Variants in ABCA2 observed in about 807,000 individuals in gnomAD.
ABCA2 encodes the protein ATP binding cassette subfamily A member 2, also known as ATP-binding cassette sub-family A member 2.
Under a neutral mutation model 262.8 loss-of-function variants are expected in ABCA2, and 84 were observed. The ratio of observed to expected loss-of-function variants is 0.32; its 90% CI spans 0.27 to 0.38. The LOEUF is 0.38. Ranked by LOEUF, ABCA2 falls within the 10% of genes least tolerant of loss-of-function variation. ABCA2 has a pLI of 1.00. For missense variants in ABCA2, 2,662 were observed against 3,405.9 expected (o/e 0.78, Z 5.44); for synonymous variants, 1,696 against 1,502.9 (o/e 1.13, Z -2.97).
Position 137,009,236 on chromosome 9 carries a change from C to T in ABCA2, c.6827+134G>A, listed in dbSNP as rs1056954671. 14 of 763,768 alleles carry T rather than the reference C, an allele frequency of 1.8e-5. No individual in the cohort carries two copies. The African/African-American group carries it at 2.3e-4, about 13-fold the overall frequency. The allele number at this position is 763,768 out of a possible 1,614,324, so 47.3% of individuals were successfully genotyped here. ...CCCCTGGCCCCACTGCCCCAGTCCCCCCAGCCCCAGTGCCCCCAGCCCCCC... is the reference window on the plus strand; with the variant it reads ...CCCCTGGCCCCACTGCCCCAGTCCCTCCAGCCCCAGTGCCCCCAGCCCCCC... On this transcript the variant is annotated intron_variant, in intron 45 of 48. Coordinates refer to ENST00000341511, the MANE Select transcript of ABCA2 (RefSeq NM_001606.5).
At chr9:137,020,030 C>G (rs12348702) in intron 10 of ABCA2, 3 of 334,032 alleles carry the variant, frequency 9.0e-6, no homozygotes, top group Non-Finnish European at 1.7e-5. Flanking sequence ...TGCCCGCCCA[C>G]GAGACACTCT....
In ABCA2 at chr9:137,018,987, G is replaced by A. The variant is rs1177661264; in HGVS notation, c.1638C>T (p.Phe546=). The change falls in exon 12 of 49, where the codon TTC becomes TTT. Residue 546 remains phenylalanine (F), a synonymous_variant. Transcript: ENST00000341511. ...GGAGGGCCATGCCACTGGGCAGCGA[G>A]AAGTTGTCCTGTCTCAGGGCCGGCG... is the stretch of plus-strand genomic sequence containing the variant. ...ELPPALRQDN[F]SLPSGMALLQ... 1 of 1,613,068 alleles carries A rather than the reference G, an allele frequency of 6.2e-7. No individual in the cohort carries two copies. The highest frequency in any genetic ancestry group is 1.7e-5 in the Admixed American group (1 of 60,016).
At chr9:137,017,754 C>T in intron 16 of ABCA2, 33 bp downstream of exon 16, 1 of 1,610,292 alleles carries the variant, frequency 6.2e-7, no homozygotes, top group Non-Finnish European at 8.5e-7. Context: ...CCCTGCCAGC[C>T]CGCGCCTCCA....
chr9:137,018,470 G>C (rs891947573), intron 13 of ABCA2, 119 bp from the exon 14 acceptor site: 1 of 785,594 alleles, frequency 1.3e-6, no homozygotes, highest in African/African-American at 2.3e-5. Flanking sequence ...GAGGGTCCAG[G>C]GAAAGGTGGG....
Position 137,018,166 on chromosome 9 carries a change from C to T in ABCA2, c.1993+12G>A, listed in dbSNP as rs1301465808. 1.2e-6 allele frequency: 2 copies of T among 1,611,444 alleles called. No homozygotes were observed. Among genetic ancestry groups the T allele is most frequent in the Admixed American group, 1.7e-5 (1 of 59,980 alleles). ...TGAATCCTCCAGCCGGTCTTCCGGG[C>T]CTGCTCCTCACCCTGGATCCAGACG... On this transcript the variant is annotated intron_variant, in intron 14 of 48. Coordinates refer to ENST00000341511, the MANE Select transcript of ABCA2 (RefSeq NM_001606.5).
chr9:137,020,194 C>T, intron 10 of ABCA2, 142 bp downstream of exon 10: 1 of 1,123,092 alleles, frequency 8.9e-7, no homozygotes, highest in Non-Finnish European at 1.3e-6. Flanking sequence ...CCCCCACCTG[C>T]AGAGCCTGTG....
At chr9:137,013,380 C>CAA in intron 29 of ABCA2, 62 bp from the exon 30 acceptor site, 1 of 1,524,574 alleles carries the variant, frequency 6.6e-7, no homozygotes, top group Non-Finnish European at 8.8e-7. Flanking sequence ...GCCCCGCCCC[C>CAA]TCGCCCGCCT....
rs182203364 is a variant in ABCA2 at position 137,024,966 on chromosome 9, T to C, written c.67-730A>G. On this transcript the variant is annotated intron_variant, in intron 1 of 48. Transcript: ENST00000341511. ...GGCGCCCGCCACCATGCCCAGCTAA[T>C]TTTTTGTATTTTTAGTAGAGACGGG... Among the ~76,000 whole-genome samples, 456 of 152,200 alleles carry C rather than the reference T, an allele frequency of 3.0e-3. 2 individuals carry two copies. The highest frequency in any genetic ancestry group is 0.011 in the African/African-American group (440 of 41,526).
At position 137,013,291 on chromosome 9, in the gene ABCA2, G is replaced by T. The variant is rs1384642658; in HGVS notation, c.4578C>A (p.Pro1526=). 10 of 1,572,814 alleles carry T rather than the reference G, an allele frequency of 6.4e-6. No individual in the cohort carries two copies. Among genetic ancestry groups the T allele is most frequent in the Non-Finnish European group, 8.6e-6 (10 of 1,165,372 alleles). Residue 1526 remains proline (P), a synonymous_variant, in exon 30 of 49, where the codon CCC becomes CCA. Coordinates refer to ENST00000341511, the MANE Select transcript of ABCA2 (RefSeq NM_001606.5). ...GCCGGAACGTGCTCACGAGCTGCTGGGGGCTGGCGTCGGGCGATAGCCGCA... is the reference window on the plus strand; with the variant it reads ...GCCGGAACGTGCTCACGAGCTGCTGTGGGCTGGCGTCGGGCGATAGCCGCA... ...YRLRLSPDAS[P]QQLVSTFRLP...
Position 137,016,903 on chromosome 9 carries a change from C to G in ABCA2, c.2758+17G>C. The stretch of plus-strand genomic sequence containing the variant: ...GGACCCCTGCCTCTCCCCTGCCCTC[C>G]AAGGGCTGGCCAGTACCTGGGTGCA... On this transcript the variant is annotated intron_variant, in intron 19 of 48. Coordinates refer to ENST00000341511, the MANE Select transcript of ABCA2 (RefSeq NM_001606.5). The G allele has an allele frequency of 6.2e-7, 1 of 1,609,858 alleles. No homozygotes were observed.
chr9:137,015,266 G>T (rs753863968), intron 24 of ABCA2, 148 bp downstream of exon 24: 1 of 1,199,874 alleles, frequency 8.3e-7, no homozygotes, highest in South Asian at 1.6e-5. Flanking sequence ...TCCAAGATAC[G>T]GGCGTTGCAG....
upstream of ABCA2, chr9:137,028,611 T>C (rs2131483960): frequency 3.8e-6 from 4 of 1,061,896 alleles, no homozygotes; most frequent in Non-Finnish European, 4.7e-6. The surrounding 1 kb of genome is among the most constrained non-coding windows in gnomAD (Gnocchi z 6.9). Flanking sequence ...AAGCCTTCAC[T>C]GTCCCCGGGG....
chr9:137,022,410 A>C lies in ABCA2; in HGVS notation c.508T>G (p.Leu170Val), dbSNP rs1468534090. The C allele has an allele frequency of 1.2e-5, 20 of 1,611,870 alleles. No homozygotes were observed. Among genetic ancestry groups the C allele is most frequent in the Non-Finnish European group, 1.6e-5 (19 of 1,179,728 alleles). The change falls in exon 6 of 49, where the codon TTG becomes GTG. Residue 170 changes from leucine to valine, a missense_variant. Around this residue, in one of 12 missense-constraint regions of ABCA2, gnomAD observed 403 missense variants for 375.9 expected, o/e 1.07. Coordinates refer to ENST00000341511, the MANE Select transcript of ABCA2 (RefSeq NM_001606.5). ...TGGGCCGTGCTATTGGGCAGCGACA[A>C]GTTTTGCGTCAGGAAACGCCAGAGC... ...QELWRFLTQN[L>V]SLPNSTAQAL...
At chr9:137,008,900 G>GCCCCCCCCCCCCCCGAGCCC in intron 46 of ABCA2, 32 bp from the exon 47 acceptor site, 10 of 1,555,200 alleles carry the variant, frequency 6.4e-6, no homozygotes, top group Non-Finnish European at 8.7e-6. Context: ...GCCTGGCAGC[G>GCCCCCCCCCCCCCCGAGCCC]CCCCCCCACC....
At position 137,018,049 on chromosome 9, in the gene ABCA2, T is replaced by A. The variant is rs375611119; in HGVS notation, c.2020A>T (p.Thr674Ser). 3.1e-5 allele frequency: 50 copies of A among 1,612,460 alleles called. No individual in the cohort carries two copies. Among genetic ancestry groups the A allele is most frequent in the Non-Finnish European group, 3.8e-5 (45 of 1,179,924 alleles). ...TCCACCACATCGTGCCCCACAAAAG[T>A]GTCGATGATGGCGCGCTCCATCATG... Reference protein sequence around the residue: ...QDMMERAIIDTFVGHDVVEPG... With the variant: ...QDMMERAIIDSFVGHDVVEPG... Residue 674 changes from threonine to serine, a missense_variant, in exon 15 of 49, where the codon ACT becomes TCT. Physicochemically the swap from Thr to Ser is moderately conservative, Grantham distance 58. This residue lies in a region of ABCA2 where 188 missense variants were observed against 343.4 expected (regional missense o/e 0.55). Transcript: ENST00000341511.
In ABCA2 at chr9:137,021,725, C is replaced by T. The variant is rs1831460279; in HGVS notation, c.679-115G>A. On this transcript the variant is annotated intron_variant, in intron 7 of 48. Transcript: ENST00000341511. This position sits in a 1 kb window ranked among gnomAD's most constrained non-coding sequence, Gnocchi z 6.0. ...GCTGGCTCTGGGGCTGCCTGGGTCCCACGACATGCCTCTACCCCTCATGCC... is the reference window on the plus strand; with the variant it reads ...GCTGGCTCTGGGGCTGCCTGGGTCCTACGACATGCCTCTACCCCTCATGCC... 1 of 1,270,706 alleles carries T rather than the reference C, an allele frequency of 7.9e-7. No individual in the cohort carries two copies. 78.7% of individuals were successfully genotyped at this position (1,270,706 alleles called of 1,614,324 possible). A position where few individuals can be genotyped will look rare whatever the true frequency, so the allele number is the denominator to read the frequency against.
At position 137,008,943 on chromosome 9, in the gene ABCA2, C is replaced by T. The variant is rs201340591; in HGVS notation, c.6930+8G>A. The T allele has an allele frequency of 1.3e-4, 201 of 1,574,240 alleles. 2 individuals are homozygous for T. The East Asian group carries it at 3.5e-3, about 28-fold the overall frequency. ...GCCCCCTCCACAACCCTGCCCGGGA[C>T]GGCGCACCTTGAGCATGGCTTCCGG... On this transcript the variant is annotated splice_region_variant and intron_variant, in intron 46 of 48. Coordinates refer to ENST00000341511, the MANE Select transcript of ABCA2 (RefSeq NM_001606.5).
rs749519312 is a variant in ABCA2, at chr9:137,022,665, G to A, written c.439+37C>T. ...GCCCAGTGACAGCAGAGCTTTGCCC[G>A]CAGCCCTGCCCCCCAACTTCCCTGC... On this transcript the variant is annotated intron_variant, in intron 5 of 48. Coordinates refer to ENST00000341511, the MANE Select transcript of ABCA2 (RefSeq NM_001606.5). 61 of 1,588,746 alleles carry A rather than the reference G, an allele frequency of 3.8e-5. No individual in the cohort carries two copies. The Middle Eastern group carries it at 8.3e-4, about 22-fold the overall frequency.
Position 137,010,718 on chromosome 9 carries a change from T to G in ABCA2, c.6076A>C (p.Lys2026Gln), listed in dbSNP as rs187721371. Residue 2026 changes from lysine to glutamine, a missense_variant, in exon 40 of 49, where the codon AAG (lysine) becomes CAG (glutamine). Coordinates refer to ENST00000341511, the MANE Select transcript of ABCA2 (RefSeq NM_001606.5). ...ACGTCCACATCATCCTCCACAGGCTTGGTAGACACAGGCATGCGCCTTGGG... is the reference window on the plus strand; with the variant it reads ...ACGTCCACATCATCCTCCACAGGCTGGGTAGACACAGGCATGCGCCTTGGG... ...RRPQRMPVSTKPVEDDVDVAS... is the reference protein window; with the variant it reads ...RRPQRMPVSTQPVEDDVDVAS... 9.7e-5 allele frequency: 157 copies of G among 1,612,500 alleles called. No individual in the cohort carries two copies. In the African/African-American group the frequency reaches 2.0e-3, roughly 20 times the overall value.
Sources: gnomAD v4.1 joint callset for allele counts (sites outside exome capture counted in the v4.1 genomes callset) on GRCh38, gnomAD v4.1.1 for gene constraint, gnomAD v4.1.1 regional missense constraint, Gnocchi (gnomAD v3.1) non-coding constraint, MANE v1.5 for transcripts, NCBI Gene and HGNC (gene_info 2026-07-23, HGNC 2026-07-21) for gene names.